MAML3: variants seen among roughly 807,000 people sequenced by gnomAD.
The protein encoded by MAML3 is mastermind like transcriptional coactivator 3, also known as mastermind-like protein 3.
In MAML3, 27 loss-of-function variants were observed where a neutral mutation model predicts 101.9. That is an observed-to-expected ratio of 0.27 (90% CI 0.20 to 0.37). The LOEUF is 0.37. Among genes scored for constraint, MAML3 ranks in the 10% least tolerant of loss-of-function variants. The pLI, the probability that MAML3 is intolerant of heterozygous loss-of-function variation, is 1.00. For synonymous variants in MAML3, 501 were observed against 555.9 expected (o/e 0.90, Z 1.39); for missense variants, 1,316 against 1,444.9 (o/e 0.91, Z 1.45).
intron 1 of MAML3, among the ~76,000 whole-genome samples, chr4:139,896,324 C>T (rs933577539): frequency 1.4e-4 from 22 of 152,140 alleles, no homozygotes; most frequent in Admixed American, 3.3e-4. Context: ...TCGCAAAGCC[C>T]GAAGCCTCTT....
intron 1 of MAML3, among the ~76,000 whole-genome samples, chr4:140,100,694 A>C (rs1728239406): frequency 6.6e-6 from 1 of 152,140 alleles, no homozygotes; most frequent in African/African-American, 2.4e-5. Flanking sequence ...AGAGGTATAC[A>C]CCATATGTGG....
At chr4:140,112,845 C>A (rs1046391437) in intron 1 of MAML3, among the ~76,000 whole-genome samples, 2 of 152,120 alleles carry the variant, frequency 1.3e-5, no homozygotes, top group African/African-American at 4.8e-5. Context: ...ATCTGTGACT[C>A]ATCTATGAGA....
intron 2 of MAML3, among the ~76,000 whole-genome samples, chr4:139,845,555 C>T (rs557351327): frequency 3.6e-4 from 54 of 152,088 alleles, no homozygotes; most frequent in Admixed American, 6.6e-4. Flanking sequence ...AGATCTCACA[C>T]GGTAAATGAC....
intron 1 of MAML3, among the ~76,000 whole-genome samples, chr4:140,018,655 T>A (rs1726686275): frequency 6.6e-6 from 1 of 152,206 alleles, no homozygotes; most frequent in African/African-American, 2.4e-5. Flanking sequence ...AAGTCTATTA[T>A]CAGGTACTTT....
rs551724232 is a variant in MAML3 at position 140,120,117 on chromosome 4, G to A, written c.468+32743C>T. On this transcript the variant is annotated intron_variant, in intron 1 of 4. Coordinates refer to ENST00000509479, the MANE Select transcript of MAML3 (RefSeq NM_018717.5). ...CCGGGCGTGGTGGCGGGCGCCTGTA[G>A]TCCCAGCTACTCGGGAGGCTGAGGC... 4.6e-5 allele frequency among the ~76,000 whole-genome samples: 7 copies of A among 151,840 alleles called. No individual in the cohort carries two copies. The East Asian group carries it at 1.2e-3, about 25-fold the overall frequency.
chr4:139,976,554 C>T (rs1050479696), intron 1 of MAML3, among the ~76,000 whole-genome samples: 21 of 152,008 alleles, frequency 1.4e-4, no homozygotes, highest in Non-Finnish European at 2.8e-4. Context: ...ATAGGTGATA[C>T]CTTCAGGAAA....
chr4:139,730,923 TG>T, intron 2 of MAML3: 1 of 546,986 alleles, frequency 1.8e-6, no homozygotes, highest in East Asian at 3.0e-5. Context: ...CTGTTTCGGA[TG>T]GGACTGACTA....
At chr4:140,047,311 T>C (rs1194418862) in intron 1 of MAML3, among the ~76,000 whole-genome samples, 1 of 152,150 alleles carries the variant, frequency 6.6e-6, no homozygotes, top group Admixed American at 6.5e-5. Context: ...CTTGGCTGGC[T>C]GAGTTAGGAA....
At chr4:139,931,822 G>A (rs1042972943) in intron 1 of MAML3, among the ~76,000 whole-genome samples, 8 of 151,292 alleles carry the variant, frequency 5.3e-5, no homozygotes, top group African/African-American at 1.2e-4. Context: ...CCAGCCTGAC[G>A]AACATGGTGA....
chr4:140,046,665 T>C (rs1727187605), intron 1 of MAML3, among the ~76,000 whole-genome samples: 1 of 152,018 alleles, frequency 6.6e-6, no homozygotes, highest in African/African-American at 2.4e-5. Context: ...GAAATACAAA[T>C]ACTGGGAAAT....
chr4:139,957,614 A>G (rs1398164483), intron 1 of MAML3, among the ~76,000 whole-genome samples: 1 of 152,224 alleles, frequency 6.6e-6, no homozygotes, highest in Non-Finnish European at 1.5e-5. Context: ...TGTTTGGACC[A>G]AAGAATGACA....
chr4:139,754,059 T>A (rs1334434635), intron 2 of MAML3, among the ~76,000 whole-genome samples: 1 of 152,250 alleles, frequency 6.6e-6, no homozygotes, highest in South Asian at 2.1e-4. Flanking sequence ...TGTTATAAAG[T>A]TATGAATGTG....
Position 140,042,505 on chromosome 4 carries a change from G to A in MAML3, c.468+110355C>T, listed in dbSNP as rs538251306. The stretch of plus-strand genomic sequence containing the variant: ...AAAAATTAGCTGGGTGTGGTGGCAG[G>A]CACCTGTAGTCCCAGCTACTTGGGA... On this transcript the variant is annotated intron_variant, in intron 1 of 4. Transcript: ENST00000509479. Among the ~76,000 whole-genome samples, 3 of 152,176 alleles carry A rather than the reference G, an allele frequency of 2.0e-5. No homozygotes were observed. In the South Asian group the frequency reaches 6.2e-4, roughly 32 times the overall value.
At chr4:139,723,070 G>C (rs1241565907) in intron 4 of MAML3, among the ~76,000 whole-genome samples, 1 of 152,176 alleles carries the variant, frequency 6.6e-6, no homozygotes, top group Non-Finnish European at 1.5e-5. Context: ...CACCTCCAAA[G>C]AAAATAGTAT....
chr4:140,141,968 A>G (rs1728986161), intron 1 of MAML3, among the ~76,000 whole-genome samples: 3 of 152,236 alleles, frequency 2.0e-5, no homozygotes, highest in South Asian at 4.1e-4. Flanking sequence ...ACATATGTAC[A>G]AGGATATATG....
At chr4:140,104,122 AT>A (rs56072145) in intron 1 of MAML3, among the ~76,000 whole-genome samples, 26,654 of 151,080 alleles carry the variant, frequency 0.18, 2,936 homozygotes, top group Middle Eastern at 0.35. Context: ...GTAGTGGCTC[AT>A]GCCTGTAATC....
At chr4:139,752,742 A>G (rs1282663834) in intron 2 of MAML3, among the ~76,000 whole-genome samples, 3 of 152,202 alleles carry the variant, frequency 2.0e-5, no homozygotes, top group Non-Finnish European at 4.4e-5. Context: ...TCGCAGCACT[A>G]ACACCTAAAT....
intron 1 of MAML3, among the ~76,000 whole-genome samples, chr4:140,088,837 T>C (rs768546201): frequency 5.3e-5 from 8 of 152,200 alleles, no homozygotes; most frequent in Non-Finnish European, 1.0e-4. Context: ...TACCCAGTCA[T>C]CAGATGTAAG....
chr4:139,941,867 C>T (rs914635553), intron 1 of MAML3, among the ~76,000 whole-genome samples: 1 of 152,178 alleles, frequency 6.6e-6, no homozygotes, highest in Admixed American at 6.5e-5. Context: ...GTCACGATGG[C>T]TCACACCTAT....
Sources: allele counts gnomAD v4.1 joint callset (sites outside exome capture counted in the v4.1 genomes callset), GRCh38; gene constraint gnomAD v4.1.1; transcripts MANE v1.5; gene names NCBI Gene and HGNC (gene_info 2026-07-23, HGNC 2026-07-21).